The following FNDC1 variants were observed in gnomAD, a reference collection of about 807,000 sequenced individuals.
FNDC1 encodes the protein fibronectin type III domain-containing protein 1.
A neutral mutation model predicts 168.0 loss-of-function variants in FNDC1; 96 were observed. The ratio of observed to expected loss-of-function variants is 0.57; its 90% CI spans 0.48 to 0.68. FNDC1 has a LOEUF of 0.68. FNDC1 is among the 30% of genes least tolerant of loss of function. The pLI is 0.00. For missense variants in FNDC1, 2,587 were observed against 2,482.1 expected (o/e 1.04, Z -0.90); for synonymous variants, 1,099 against 1,025.9 (o/e 1.07, Z -1.36).
rs1777375562 is a variant in FNDC1 at position 159,256,480 on chromosome 6, G to T, written c.5066-43G>T. 14 of 1,409,062 alleles carry T rather than the reference G, an allele frequency of 9.9e-6. No individual in the cohort carries two copies. The East Asian group carries it at 2.5e-4, about 25-fold the overall frequency. 87.3% of individuals were successfully genotyped at this position (1,409,062 alleles called of 1,614,324 possible). ...GTGGGTTACATCTTGTGTGTGACTT[G>T]GTTCCTTGGTGTCCATTGGGTTTTT... On this transcript the variant is annotated intron_variant, in intron 17 of 22. Coordinates refer to ENST00000297267, the MANE Select transcript of FNDC1 (RefSeq NM_032532.3).
Position 159,193,314 on chromosome 6 carries a change from G to A in FNDC1, c.110-4117G>A, listed in dbSNP as rs616036. Among the ~76,000 whole-genome samples, 320 of 152,310 alleles carry A rather than the reference G, an allele frequency of 2.1e-3. 1 individual carries two copies. Among genetic ancestry groups the A allele is most frequent in the Non-Finnish European group, 3.4e-3 (234 of 68,020 alleles). On this transcript the variant is annotated intron_variant, in intron 1 of 22. Transcript: ENST00000297267. ...GTCACCGGAACCTAAACTGAATTGT[G>A]CCTTTAGATGGAGCATATATTCTCC...
At chr6:159,239,366 A>G (rs1041189262) in intron 13 of FNDC1, 151 bp from the exon 14 acceptor site, 65 of 646,248 alleles carry the variant, frequency 1.0e-4, no homozygotes, top group Non-Finnish European at 1.0e-5. Flanking sequence ...AGGATCGTGG[A>G]GCATACTGAT....
chr6:159,227,354 G>A lies in FNDC1; in HGVS notation c.1180+774G>A, dbSNP rs73799341. On this transcript the variant is annotated intron_variant, in intron 9 of 22. Transcript: ENST00000297267. ...ATTCAAGAAAGAAATAATTTTTATT[G>A]TTATTAGATTGAGGGGCAACTTTAA... Among the ~76,000 whole-genome samples the A allele has an allele frequency of 8.2e-3, 1,254 of 152,270 alleles. 14 individuals are homozygous for A. Among genetic ancestry groups the A allele is most frequent in the African/African-American group, 0.029 (1,191 of 41,568 alleles).
chr6:159,240,497 G>T (rs1002420443), intron 14 of FNDC1, among the ~76,000 whole-genome samples: 1 of 152,104 alleles, frequency 6.6e-6, no homozygotes, highest in Non-Finnish European at 1.5e-5. Context: ...TAGCATGTTC[G>T]GCAGCTGAGC....
intron 10 of FNDC1, 52 bp from the exon 11 acceptor site, chr6:159,231,830 T>C: frequency 1.3e-6 from 2 of 1,493,714 alleles, no homozygotes; most frequent in Non-Finnish European, 9.0e-7. Flanking sequence ...TCACCTCCGC[T>C]TTCGCTTTTG....
rs557398678 is a variant in FNDC1, at chr6:159,236,586, C to T, written c.4068+271C>T. ...ACTGGTTAGGAAGGTCAAATGAATGCATGGCCCAACCATAGCAATTATAGA... is the reference window on the plus strand; with the variant it reads ...ACTGGTTAGGAAGGTCAAATGAATGTATGGCCCAACCATAGCAATTATAGA... On this transcript the variant is annotated intron_variant, in intron 12 of 22. Coordinates refer to ENST00000297267, the MANE Select transcript of FNDC1 (RefSeq NM_032532.3). Among the ~76,000 whole-genome samples, 10 of 152,334 alleles carry T rather than the reference C, an allele frequency of 6.6e-5. No homozygotes were observed. The East Asian group carries it at 1.7e-3, about 26-fold the overall frequency.
rs911564429 is a variant in FNDC1 at position 159,233,709 on chromosome 6, C to T, written c.3197C>T (p.Thr1066Met). 2.6e-6 allele frequency: 4 copies of T among 1,549,716 alleles called. No homozygotes were observed. Among genetic ancestry groups the T allele is most frequent in the East Asian group, 2.4e-5 (1 of 40,896 alleles). ...GCGAGCTCCAGAGGGATGCTCCCCA[C>T]GGCCCTCCAGAACCAGGACGAGGAT... Reference protein sequence around the residue: ...YTASSRGMLPTALQNQDEDAQ... With the variant: ...YTASSRGMLPMALQNQDEDAQ... Residue 1066 changes from threonine (T) to methionine (M), a missense_variant, in exon 11 of 23, where the codon ACG becomes ATG. Physicochemically the swap from Thr to Met is moderately conservative, Grantham distance 81 (BLOSUM62 -1). Coordinates refer to ENST00000297267, the MANE Select transcript of FNDC1 (RefSeq NM_032532.3). The surrounding 1 kb of genome is among the most constrained non-coding windows in gnomAD (Gnocchi z 4.6).
Position 159,169,427 on chromosome 6 carries a change from G to C in FNDC1, c.-170G>C, listed in dbSNP as rs1023479950. The C allele has an allele frequency of 6.0e-6, 1 of 165,298 alleles. No individual in the cohort carries two copies. The highest frequency in any genetic ancestry group is 1.3e-5 in the Non-Finnish European group (1 of 78,670). The allele number at this position is 165,298 out of a possible 1,614,324, so 10.2% of individuals were successfully genotyped here. A position where few individuals can be genotyped will look rare whatever the true frequency, so the allele number is the denominator to read the frequency against. On this transcript the variant is annotated 5_prime_UTR_variant, in exon 1 of 23. Coordinates refer to ENST00000297267, the MANE Select transcript of FNDC1 (RefSeq NM_032532.3). This position sits in a 1 kb window ranked among gnomAD's most constrained non-coding sequence, Gnocchi z 6.8. ...TGGCGGAGCGCGGCTGCCGGTGTGC[G>C]GCCGGGAGCGATCGCCGCGGGGCAG...
intron 4 of FNDC1, among the ~76,000 whole-genome samples, chr6:159,204,773 T>C (rs375602788): frequency 3.2e-4 from 48 of 152,346 alleles, no homozygotes; most frequent in African/African-American, 1.1e-3. Context: ...TTTTCTCACT[T>C]CATCCAGGTC....
intron 1 of FNDC1, among the ~76,000 whole-genome samples, chr6:159,196,286 C>T (rs1025527463): frequency 1.1e-4 from 17 of 152,164 alleles, no homozygotes; most frequent in South Asian, 2.1e-4. Flanking sequence ...CTTTCTCTAA[C>T]GCTTCAAAAT....
At chr6:159,237,282 T>G (rs1384247383) in intron 12 of FNDC1, among the ~76,000 whole-genome samples, 2 of 152,236 alleles carry the variant, frequency 1.3e-5, no homozygotes, top group Non-Finnish European at 2.9e-5. Context: ...CTTCCTCCAG[T>G]AGCCTGAGTG....
In FNDC1 at chr6:159,232,983, C is replaced by A. The variant is rs770498312; in HGVS notation, c.2471C>A (p.Pro824His). ...CACTTCCATTTGCTCAGACACAAAC[C>A]CTTTGCTGCCAACGGGAGGTCTCCA... is the stretch of plus-strand genomic sequence containing the variant. Reference protein sequence around the residue: ...SGHFHLLRHKPFAANGRSPSR... With the variant: ...SGHFHLLRHKHFAANGRSPSR... The change falls in exon 11 of 23, where the codon CCC becomes CAC. Residue 824 changes from proline (P) to histidine (H), a missense_variant. By Grantham distance (77) the Pro-to-His change is moderately conservative. Transcript: ENST00000297267. This position sits in a 1 kb window ranked among gnomAD's most constrained non-coding sequence, Gnocchi z 4.9. The A allele has an allele frequency of 1.1e-5, 18 of 1,612,228 alleles. 1 individual carries two copies. The Middle Eastern group carries it at 8.2e-4, about 74-fold the overall frequency.
Position 159,197,480 on chromosome 6 carries a change from G to A in FNDC1, c.159G>A (p.Met53Ile), listed in dbSNP as rs377696457. The change falls in exon 2 of 23, where the codon ATG (methionine) becomes ATA (isoleucine). Residue 53 changes from methionine (M) to isoleucine (I), a missense_variant. By Grantham distance (10) the Met-to-Ile change is conservative. Transcript: ENST00000297267. ...ATGTGAAACTGCTGTCCACTAAAATGGGCCTGAAAGTCACGTGGGACCCAC... is the reference window on the plus strand; with the variant it reads ...ATGTGAAACTGCTGTCCACTAAAATAGGCCTGAAAGTCACGTGGGACCCAC... ...PRHVKLLSTK[M>I]GLKVTWDPPK... 1.2e-6 allele frequency: 2 copies of A among 1,613,760 alleles called. No individual in the cohort carries two copies. Among genetic ancestry groups the A allele is most frequent in the Non-Finnish European group, 1.7e-6 (2 of 1,179,794 alleles).
Position 159,234,375 on chromosome 6 carries a change from G to T in FNDC1, c.3863G>T (p.Gly1288Val), listed in dbSNP as rs759075748. Residue 1288 changes from glycine to valine, a missense_variant, in exon 11 of 23, where the codon GGC (glycine) becomes GTC (valine). By Grantham distance (109) the Gly-to-Val change is moderately radical. Transcript: ENST00000297267. ...WPQYTTRAPPGHFSTTPMLSL... is the reference protein window; with the variant it reads ...WPQYTTRAPPVHFSTTPMLSL... Reference sequence around the variant, plus strand: ...CAGTACACCACGCGCGCCCCACCTGGCCACTTCTCCACCACCCCGATGCTG... The same window carrying T: ...CAGTACACCACGCGCGCCCCACCTGTCCACTTCTCCACCACCCCGATGCTG... The T allele has an allele frequency of 6.2e-6, 10 of 1,612,932 alleles. No homozygotes were observed. The highest frequency in any genetic ancestry group is 5.9e-6 in the Non-Finnish European group (7 of 1,179,554).
intron 18 of FNDC1, among the ~76,000 whole-genome samples, chr6:159,259,525 G>A (rs1166117521): frequency 6.6e-6 from 1 of 152,160 alleles, no homozygotes; most frequent in Non-Finnish European, 1.5e-5. Context: ...CCTCCTTGAC[G>A]TTGACTACTC....
At chr6:159,206,169 C>T (rs749073272) in intron 4 of FNDC1, among the ~76,000 whole-genome samples, 1 of 152,266 alleles carries the variant, frequency 6.6e-6, no homozygotes, top group Non-Finnish European at 1.5e-5. Context: ...TGCAGCCAGG[C>T]AGTGGAGCTG....
Position 159,233,789 on chromosome 6 carries a change from GC to G in FNDC1, c.3282del (p.Ala1095ArgfsTer146). The part of the protein sequence containing the change: ...STEVEAQDVR[A>X]PAHAARAKEA... ...AGAAGTCGAGGCCCAGGATGTGCGG[GC>G]CCCCGCGCACGCCGCGCGCGCCAAG... On this transcript the variant is annotated frameshift_variant, in exon 11 of 23. Transcript: ENST00000297267. LOFTEE classifies it high-confidence loss of function. This position sits in a 1 kb window ranked among gnomAD's most constrained non-coding sequence, Gnocchi z 4.6. 6.5e-7 allele frequency: 1 copy of G among 1,539,000 alleles called. No individual in the cohort carries two copies. Among genetic ancestry groups the G allele is most frequent in the African/African-American group, 1.4e-5 (1 of 72,752 alleles).
At chr6:159,180,420 CAT>C (rs1781855356) in intron 1 of FNDC1, among the ~76,000 whole-genome samples, 1 of 152,160 alleles carries the variant, frequency 6.6e-6, no homozygotes, top group African/African-American at 2.4e-5. Flanking sequence ...CAATTTAACT[CAT>C]AACGTGTGGT....
intron 20 of FNDC1, 99 bp downstream of exon 20, chr6:159,265,103 T>G: frequency 1.0e-6 from 1 of 994,582 alleles, no homozygotes; most frequent in Non-Finnish European, 1.5e-6. Context: ...GTCTGGACCA[T>G]TTTCACAATT....
Sources: gnomAD v4.1 joint callset for allele counts (sites outside exome capture counted in the v4.1 genomes callset) on GRCh38, gnomAD v4.1.1 for gene constraint, Gnocchi (gnomAD v3.1) non-coding constraint, MANE v1.5 for transcripts, NCBI Gene and HGNC (gene_info 2026-07-23, HGNC 2026-07-21) for gene names.